The following GPR141 variants were observed in gnomAD, a reference collection of about 807,000 sequenced individuals.
The protein encoded by GPR141 is probable G protein-coupled receptor 141.
In GPR141, 6 loss-of-function variants were observed where a neutral mutation model predicts 6.8. The ratio of observed to expected loss-of-function variants is 0.88; its 90% CI spans 0.48 to 1.74. The LOEUF (loss-of-function observed/expected upper bound fraction) is 1.74, where lower values mean the gene tolerates loss of function less well. Ranked by LOEUF, GPR141 falls within the 40% of genes most tolerant of loss-of-function variation. The pLI is 0.01. For missense variants in GPR141, 372 were observed against 372.9 expected (o/e 1.00, Z 0.02); for synonymous variants, 140 against 142.3 (o/e 0.98, Z 0.11).
At chr7:37,738,434 A>G (rs541932351) in intron 2 of GPR141, among the ~76,000 whole-genome samples, 1 of 152,344 alleles carries the variant, frequency 6.6e-6, no homozygotes, top group South Asian at 2.1e-4. Flanking sequence ...TGAACACAAT[A>G]TAATTTCATG....
At chr7:37,719,959 A>G (rs1003863055) in intron 2 of GPR141, among the ~76,000 whole-genome samples, 6 of 152,178 alleles carry the variant, frequency 3.9e-5, no homozygotes, top group African/African-American at 1.4e-4. Flanking sequence ...AGCAGCAGGA[A>G]TAATGGGGAA....
chr7:37,732,786 G>A (rs1413218131), intron 2 of GPR141, among the ~76,000 whole-genome samples: 1 of 152,170 alleles, frequency 6.6e-6, no homozygotes, highest in Non-Finnish European at 1.5e-5. Context: ...CTAGATGGTC[G>A]TAAGGAGAGG....
chr7:37,712,223 C>T (rs1378779275), intron 2 of GPR141, among the ~76,000 whole-genome samples: 4 of 152,094 alleles, frequency 2.6e-5, no homozygotes, highest in African/African-American at 9.7e-5. Flanking sequence ...AACTGGCTGG[C>T]CTTTGGTACA....
intron 2 of GPR141, chr7:37,709,777 A>G (rs1017369060): frequency 6.6e-5 from 10 of 152,234 alleles, no homozygotes; most frequent in African/African-American, 2.4e-4. Context: ...CTCCAATGGC[A>G]AAGTGACTCT....
chr7:37,736,537 T>C (rs1022649773), intron 2 of GPR141, among the ~76,000 whole-genome samples: 1 of 148,766 alleles, frequency 6.7e-6, no homozygotes, highest in African/African-American at 2.5e-5. Context: ...AAAAAATCTT[T>C]CTTAAAAAGA....
At chr7:37,728,114 A>G (rs1006197531) in intron 2 of GPR141, among the ~76,000 whole-genome samples, 1 of 152,232 alleles carries the variant, frequency 6.6e-6, no homozygotes, top group Non-Finnish European at 1.5e-5. Context: ...TAACTGCTAC[A>G]TATCTGTACC....
chr7:37,714,764 A>G (rs1351283899), intron 2 of GPR141, among the ~76,000 whole-genome samples: 1 of 152,174 alleles, frequency 6.6e-6, no homozygotes, highest in African/African-American at 2.4e-5. Flanking sequence ...TTCATATGCC[A>G]TTCGTGTAGC....
At chr7:37,725,159 C>T (rs930189462) in intron 2 of GPR141, among the ~76,000 whole-genome samples, 1 of 152,122 alleles carries the variant, frequency 6.6e-6, no homozygotes, top group East Asian at 1.9e-4. Flanking sequence ...TCTCATGGAT[C>T]TTTTCTTCTT....
chr7:37,732,368 G>A (rs942954939), intron 2 of GPR141, among the ~76,000 whole-genome samples: 2 of 151,958 alleles, frequency 1.3e-5, no homozygotes, highest in African/African-American at 2.4e-5. Context: ...GATGAGTTGC[G>A]AGAGTCTGCC....
At chr7:37,698,432 C>T (rs544156056) in intron 2 of GPR141, among the ~76,000 whole-genome samples, 4 of 152,286 alleles carry the variant, frequency 2.6e-5, no homozygotes, top group African/African-American at 7.2e-5. Flanking sequence ...GCCACGAGAA[C>T]CTGTGTGTAG....
intron 2 of GPR141, among the ~76,000 whole-genome samples, chr7:37,686,001 T>G (rs1039405379): frequency 6.6e-6 from 1 of 151,980 alleles, no homozygotes; most frequent in African/African-American, 2.4e-5. Flanking sequence ...AATAATATGT[T>G]AAAAAATATA....
intron 2 of GPR141, among the ~76,000 whole-genome samples, chr7:37,691,969 T>G (rs1002747319): frequency 2.0e-5 from 3 of 152,318 alleles, no homozygotes; most frequent in African/African-American, 7.2e-5. Context: ...CTTCTTTTTT[T>G]TGTGTGGGCT....
At chr7:37,704,738 C>T in intron 2 of GPR141, among the ~76,000 whole-genome samples, 1 of 152,144 alleles carries the variant, frequency 6.6e-6, no homozygotes, top group Admixed American at 6.5e-5. Context: ...CAGGAAAGAT[C>T]TAAGTCTCCA....
At chr7:37,733,671 CAAAA>C (rs55943222) in intron 2 of GPR141, among the ~76,000 whole-genome samples, 1 of 101,306 alleles carries the variant, frequency 9.9e-6, no homozygotes, top group Non-Finnish European at 1.9e-5. Context: ...AACTCCATCT[CAAAA>C]AAAAAAAAAA....
chr7:37,692,924 A>C (rs1809844338), intron 2 of GPR141, among the ~76,000 whole-genome samples: 1 of 152,150 alleles, frequency 6.6e-6, no homozygotes, highest in African/African-American at 2.4e-5. Context: ...AGATTGCAAA[A>C]ATTTTCTCCC....
chr7:37,741,310 A>T lies in GPR141; in HGVS notation c.917A>T (p.Ter306LeuextTer35). The change falls in exon 3 of 3, where the codon TAG becomes TTG. Residue 306 changes from the stop codon to leucine (L), a stop_lost. Transcript: ENST00000334425. ...IGLWNCVLCR[*>L] ...TTATGGAATTGTGTTTTGTGCCGTT[A>T]GCCACAAACTACAGTATTCATATTT... 1 of 1,574,728 alleles carries T rather than the reference A, an allele frequency of 6.4e-7. No homozygotes were observed. The highest frequency in any genetic ancestry group is 8.6e-7 in the Non-Finnish European group (1 of 1,157,684).
chr7:37,733,814 G>A (rs943957833), intron 2 of GPR141, among the ~76,000 whole-genome samples: 2 of 152,150 alleles, frequency 1.3e-5, no homozygotes, highest in Non-Finnish European at 2.9e-5. Context: ...CAGCCAAAAG[G>A]TGATGTTTAA....
At chr7:37,728,652 G>A (rs74580508) in intron 2 of GPR141, among the ~76,000 whole-genome samples, 2 of 152,124 alleles carry the variant, frequency 1.3e-5, no homozygotes, top group African/African-American at 4.8e-5. Flanking sequence ...ACCCAAGCAA[G>A]GTTGTGGGCA....
intron 2 of GPR141, among the ~76,000 whole-genome samples, chr7:37,739,978 GA>G (rs954180811): frequency 2.0e-5 from 3 of 151,136 alleles, no homozygotes; most frequent in Non-Finnish European, 4.4e-5. Context: ...ATGCCCGTAA[GA>G]AAAAAAAATT....
Sources: gnomAD v4.1 joint callset for allele counts (sites outside exome capture counted in the v4.1 genomes callset) on GRCh38, gnomAD v4.1.1 for gene constraint, MANE v1.5 for transcripts, NCBI Gene and HGNC (gene_info 2026-07-23, HGNC 2026-07-21) for gene names.